HSPBAP1: variants seen among roughly 807,000 people sequenced by gnomAD.
HSPBAP1 encodes the protein HSPB1 associated protein 1.
In HSPBAP1, 27 loss-of-function variants were observed where a neutral mutation model predicts 45.2. The ratio of observed to expected loss-of-function variants is 0.60; its 90% CI spans 0.44 to 0.82. HSPBAP1 has a LOEUF of 0.82. HSPBAP1 is among the 40% of genes least tolerant of loss of function. The pLI is 0.00. For synonymous variants in HSPBAP1, 204 were observed against 202.7 expected (o/e 1.01, Z -0.06); for missense variants, 510 against 590.9 (o/e 0.86, Z 1.42).
chr3:122,780,954 A>C (rs1340541050), intron 1 of HSPBAP1, among the ~76,000 whole-genome samples: 1 of 109,414 alleles, frequency 9.1e-6, no homozygotes, highest in African/African-American at 3.2e-5. Flanking sequence ...ATCTCAGACG[A>C]TGGGCGGCCG....
intron 1 of HSPBAP1, among the ~76,000 whole-genome samples, chr3:122,786,791 T>C (rs1935673198): frequency 6.6e-6 from 1 of 152,172 alleles, no homozygotes; most frequent in South Asian, 2.1e-4. Flanking sequence ...AACAGGAAAT[T>C]AGCATATTTA....
chr3:122,741,232 G>A, intron 6 of HSPBAP1, 119 bp from the exon 7 acceptor site: 2 of 754,284 alleles, frequency 2.7e-6, no homozygotes, highest in Non-Finnish European at 4.4e-6. Context: ...GTTATAGAAG[G>A]AATGAATATG....
chr3:122,788,254 T>C (rs565931230), intron 1 of HSPBAP1, among the ~76,000 whole-genome samples: 1 of 152,202 alleles, frequency 6.6e-6, no homozygotes, highest in African/African-American at 2.4e-5. Context: ...TCAAAAGTAA[T>C]ACTAGTCTCA....
At chr3:122,764,519 A>T (rs1438422211) in intron 3 of HSPBAP1, among the ~76,000 whole-genome samples, 1 of 152,238 alleles carries the variant, frequency 6.6e-6, no homozygotes, top group East Asian at 1.9e-4. Context: ...AAATATGTAC[A>T]TTGATAAACA....
At chr3:122,779,849 C>G (rs1474179361) in intron 1 of HSPBAP1, among the ~76,000 whole-genome samples, 1 of 151,954 alleles carries the variant, frequency 6.6e-6, no homozygotes, top group East Asian at 1.9e-4. Context: ...AACAGGATAC[C>G]AAGGCAGAAG....
intron 6 of HSPBAP1, among the ~76,000 whole-genome samples, chr3:122,742,331 T>C (rs1288970638): frequency 4.0e-5 from 6 of 151,782 alleles, no homozygotes; most frequent in African/African-American, 1.5e-4. Context: ...AGAAACACAA[T>C]ATTGAACTTA....
At position 122,788,069 on chromosome 3, in the gene HSPBAP1, T is replaced by G. The variant is rs141980402; in HGVS notation, c.64+5548A>C. Among the ~76,000 whole-genome samples the G allele has an allele frequency of 6.6e-3, 1,011 of 152,302 alleles. 5 individuals are homozygous for G. The highest frequency in any genetic ancestry group is 0.013 in the Admixed American group (203 of 15,296). ...GACCTAGCCTTATCAATACCAATGC[T>G]TGGTGTGGCAGTAAACACACAGGAA... On this transcript the variant is annotated intron_variant, in intron 1 of 7. Transcript: ENST00000306103.
chr3:122,791,351 A>G (rs1478119203), intron 1 of HSPBAP1, among the ~76,000 whole-genome samples: 1 of 152,148 alleles, frequency 6.6e-6, no homozygotes, highest in Non-Finnish European at 1.5e-5. Context: ...CCTGACACCA[A>G]CTTCTTTCAG....
intron 6 of HSPBAP1, among the ~76,000 whole-genome samples, chr3:122,744,007 C>T (rs574941763): frequency 2.6e-5 from 4 of 152,040 alleles, no homozygotes; most frequent in African/African-American, 7.2e-5. Flanking sequence ...AATGAGATTC[C>T]ATCTCTAAAA....
chr3:122,791,080 C>A (rs941156995), intron 1 of HSPBAP1, among the ~76,000 whole-genome samples: 1 of 152,166 alleles, frequency 6.6e-6, no homozygotes, highest in Non-Finnish European at 1.5e-5. Context: ...AGATAATCTA[C>A]ACATATTAAC....
rs765993671 is a variant in HSPBAP1, at chr3:122,793,669, G to C, written c.12C>G (p.Gly4=). The C allele has an allele frequency of 6.2e-7, 1 of 1,613,818 alleles. No homozygotes were observed. The highest frequency in any genetic ancestry group is 1.7e-5 in the Admixed American group (1 of 60,028). The change falls in exon 1 of 8, where the codon GGC becomes GGG. Residue 4 remains glycine (G), a synonymous_variant. Coordinates refer to ENST00000306103, the MANE Select transcript of HSPBAP1 (RefSeq NM_024610.6). ...CGATCACAGGAGTGGTCGCCTCGGA[G>C]CCTGCTGCCATGGCTACCGCAAGGC... The part of the protein sequence containing the change: MAA[G]SEATTPVIVA...
chr3:122,792,988 A>G (rs1400218993), intron 1 of HSPBAP1, among the ~76,000 whole-genome samples: 2 of 152,200 alleles, frequency 1.3e-5, no homozygotes, highest in East Asian at 3.8e-4. Flanking sequence ...ACCCTCACAG[A>G]GTGTACTACT....
intron 6 of HSPBAP1, 111 bp downstream of exon 6, chr3:122,752,480 A>G (rs1180706522): frequency 9.7e-6 from 6 of 617,322 alleles, no homozygotes; most frequent in Middle Eastern, 3.7e-4. Flanking sequence ...AAAATACTGA[A>G]GCATTGGTTA....
chr3:122,775,944 G>C (rs1041692745), intron 2 of HSPBAP1, among the ~76,000 whole-genome samples: 1 of 152,164 alleles, frequency 6.6e-6, no homozygotes, highest in Non-Finnish European at 1.5e-5. Context: ...AGAAAGAATT[G>C]AAGTACTGAT....
At chr3:122,755,482 C>T (rs755209029) in intron 4 of HSPBAP1, 51 bp from the exon 5 acceptor site, 3 of 1,275,360 alleles carry the variant, frequency 2.4e-6, no homozygotes, top group African/African-American at 1.6e-5. Context: ...GACCTTAAGA[C>T]AAAACATGGA....
intron 2 of HSPBAP1, among the ~76,000 whole-genome samples, chr3:122,776,724 T>C (rs977098725): frequency 3.3e-5 from 5 of 152,214 alleles, no homozygotes; most frequent in African/African-American, 9.6e-5. Context: ...GTTTGGTCTC[T>C]GATTATAATG....
At chr3:122,790,242 T>G (rs1484837769) in intron 1 of HSPBAP1, among the ~76,000 whole-genome samples, 1 of 152,204 alleles carries the variant, frequency 6.6e-6, no homozygotes, top group Non-Finnish European at 1.5e-5. Flanking sequence ...CTGCAAAGAC[T>G]GAAACCCATG....
chr3:122,753,626 T>C (rs1458254750), intron 5 of HSPBAP1: 3 of 984,486 alleles, frequency 3.0e-6, no homozygotes, highest in Non-Finnish European at 3.6e-6. Flanking sequence ...GCAGAGTAGA[T>C]GGAAATGATG....
At position 122,768,689 on chromosome 3, in the gene HSPBAP1, G is replaced by T; in HGVS notation, c.432+12C>A. On this transcript the variant is annotated intron_variant, in intron 3 of 7. Coordinates refer to ENST00000306103, the MANE Select transcript of HSPBAP1 (RefSeq NM_024610.6). Reference sequence around the variant, plus strand: ...AATTCCTACCAAGATTAGAAGGAAGGTTCTGACTTACCTGGAAAAGATCTG... The same window carrying T: ...AATTCCTACCAAGATTAGAAGGAAGTTTCTGACTTACCTGGAAAAGATCTG... The T allele has an allele frequency of 6.3e-7, 1 of 1,583,774 alleles. No individual in the cohort carries two copies. The highest frequency in any genetic ancestry group is 8.7e-7 in the Non-Finnish European group (1 of 1,154,352).
Sources: allele counts gnomAD v4.1 joint callset (sites outside exome capture counted in the v4.1 genomes callset), GRCh38; gene constraint gnomAD v4.1.1; transcripts MANE v1.5; gene names NCBI Gene and HGNC (gene_info 2026-07-23, HGNC 2026-07-21).